GABRB2: variants seen among roughly 807,000 people sequenced by gnomAD.
The protein encoded by GABRB2 is gamma-aminobutyric acid receptor subunit beta-2.
GABRB2 carries 16 observed loss-of-function variants against 54.7 expected under a neutral mutation model. The observed-to-expected ratio is 0.29, with a 90% CI of 0.20 to 0.44. The LOEUF (loss-of-function observed/expected upper bound fraction) is 0.44. GABRB2 is among the 20% of genes least tolerant of loss of function. The pLI is 1.00. For synonymous variants in GABRB2, 244 were observed against 233.8 expected (o/e 1.04, Z -0.40); for missense variants, 355 against 644.0 (o/e 0.55, Z 4.86).
intron 3 of GABRB2, among the ~76,000 whole-genome samples, chr5:161,543,138 A>G (rs1465973917): frequency 1.3e-5 from 2 of 152,222 alleles, no homozygotes; most frequent in Non-Finnish European, 2.9e-5. Context: ...TAATGTTGCA[A>G]TGTTGTCCCA....
chr5:161,448,652 A>T (rs1259335563), intron 4 of GABRB2, among the ~76,000 whole-genome samples: 1 of 152,172 alleles, frequency 6.6e-6, no homozygotes, highest in East Asian at 1.9e-4. Context: ...ACTTAAAAAC[A>T]TGGTTGTATA....
intron 7 of GABRB2, among the ~76,000 whole-genome samples, chr5:161,331,409 G>A (rs1753835856): frequency 6.6e-6 from 1 of 152,072 alleles, no homozygotes; most frequent in Non-Finnish European, 1.5e-5. Flanking sequence ...GCTATGATGG[G>A]CACATGTGTA....
chr5:161,538,664 A>G (rs1395422765), intron 3 of GABRB2, among the ~76,000 whole-genome samples: 1 of 152,142 alleles, frequency 6.6e-6, no homozygotes, highest in Non-Finnish European at 1.5e-5. Context: ...TCTCTATTAA[A>G]AATACAAAAA....
At chr5:161,414,675 T>C (rs1050259822) in intron 4 of GABRB2, among the ~76,000 whole-genome samples, 17 of 152,028 alleles carry the variant, frequency 1.1e-4, no homozygotes, top group African/African-American at 3.6e-4. Flanking sequence ...GTCATACTTA[T>C]ATCTCAAGCC....
chr5:161,469,225 T>C (rs1044730394), intron 3 of GABRB2, among the ~76,000 whole-genome samples: 1 of 151,878 alleles, frequency 6.6e-6, no homozygotes, highest in Non-Finnish European at 1.5e-5. Context: ...TTGAGTTAAA[T>C]TATAAAACTA....
rs756731807 is a variant in GABRB2 at position 161,459,773 on chromosome 5, T to G, written c.309A>C (p.Leu103Phe). ...CCACTCTGTTGTCCAGAGTCAAGTT[T>G]AAAGGTATTACATTATAGGACAGCC... ...DKRLSYNVIP[L>F]NLTLDNRVAD... The change falls in exon 4 of 10, where the codon TTA (leucine) becomes TTC (phenylalanine). Residue 103 changes from leucine (L) to phenylalanine (F), a missense_variant. This residue lies in a region of GABRB2 where 42 missense variants were observed against 99.7 expected (regional missense o/e 0.42). Transcript: ENST00000393959. 6.2e-7 allele frequency: 1 copy of G among 1,613,908 alleles called. No individual in the cohort carries two copies. The highest frequency in any genetic ancestry group is 1.7e-5 in the Admixed American group (1 of 60,008).
intron 4 of GABRB2, among the ~76,000 whole-genome samples, chr5:161,446,472 T>C (rs1295313399): frequency 6.6e-6 from 1 of 152,160 alleles, no homozygotes; most frequent in Non-Finnish European, 1.5e-5. Flanking sequence ...AGTACGTCCC[T>C]GTCTGCTCTG....
intron 5 of GABRB2, among the ~76,000 whole-genome samples, chr5:161,371,885 CTATTTT>C (rs926915358): frequency 3.3e-5 from 5 of 151,942 alleles, no homozygotes; most frequent in African/African-American, 4.8e-5. Context: ...CTATGCGTGG[CTATTTT>C]TATTTTTATT....
At chr5:161,294,530 G>T in intron 9 of GABRB2, 102 bp from the exon 10 acceptor site, 1 of 929,116 alleles carries the variant, frequency 1.1e-6, no homozygotes, top group Non-Finnish European at 1.6e-6. Context: ...TTATAGGAGT[G>T]GTAAAGAGAG....
intron 3 of GABRB2, among the ~76,000 whole-genome samples, chr5:161,473,955 C>G (rs1758518812): frequency 6.6e-6 from 1 of 151,868 alleles, no homozygotes; most frequent in Non-Finnish European, 1.5e-5. Flanking sequence ...AACAAGGAAA[C>G]AAATATCAGA....
At chr5:161,537,520 A>G (rs1453684746) in intron 3 of GABRB2, among the ~76,000 whole-genome samples, 1 of 152,228 alleles carries the variant, frequency 6.6e-6, no homozygotes, top group East Asian at 1.9e-4. Flanking sequence ...TATGAGAATC[A>G]TGGGATTCAC....
intron 5 of GABRB2, among the ~76,000 whole-genome samples, chr5:161,340,417 A>G (rs1021250248): frequency 2.6e-5 from 4 of 152,046 alleles, no homozygotes; most frequent in African/African-American, 9.7e-5. Flanking sequence ...ATGATCATGC[A>G]CTGCATTTTT....
At chr5:161,547,364 T>G, upstream of GABRB2, among the ~76,000 whole-genome samples, 3 of 150,192 alleles carry the variant, frequency 2.0e-5, no homozygotes, top group Admixed American at 6.6e-5. Context: ...CACGGAAAAA[T>G]AAAAAAGGAA....
At chr5:161,466,335 T>G (rs1445340776) in intron 3 of GABRB2, among the ~76,000 whole-genome samples, 1 of 152,084 alleles carries the variant, frequency 6.6e-6, no homozygotes, top group African/African-American at 2.4e-5. Context: ...TCCTTTGTAA[T>G]AAACAAATAT....
chr5:161,515,100 A>G (rs888657396), intron 3 of GABRB2, among the ~76,000 whole-genome samples: 4 of 152,174 alleles, frequency 2.6e-5, no homozygotes, highest in African/African-American at 4.8e-5. Context: ...TTAGATAGGT[A>G]GAAAAAAGGA....
At chr5:161,475,730 C>T (rs1323348918) in intron 3 of GABRB2, among the ~76,000 whole-genome samples, 4 of 151,880 alleles carry the variant, frequency 2.6e-5, no homozygotes, top group Non-Finnish European at 5.9e-5. Flanking sequence ...TCAACTGATA[C>T]AGAAAAAGCA....
chr5:161,502,470 G>T (rs1363771346), intron 3 of GABRB2, among the ~76,000 whole-genome samples: 1 of 152,006 alleles, frequency 6.6e-6, no homozygotes, highest in African/African-American at 2.4e-5. Flanking sequence ...TTCTGGTTCT[G>T]ACTATGAGGA....
chr5:161,388,424 T>C (rs1755712575), intron 5 of GABRB2, among the ~76,000 whole-genome samples: 3 of 152,052 alleles, frequency 2.0e-5, no homozygotes, highest in African/African-American at 4.8e-5. Context: ...AACTGAGAGG[T>C]ATAAATTGCT....
chr5:161,513,898 T>C (rs1759856067), intron 3 of GABRB2, among the ~76,000 whole-genome samples: 1 of 152,100 alleles, frequency 6.6e-6, no homozygotes, highest in Non-Finnish European at 1.5e-5. Flanking sequence ...ACACTGGAAA[T>C]GTTAACTACA....
Sources: allele counts gnomAD v4.1 joint callset (sites outside exome capture counted in the v4.1 genomes callset), GRCh38; gene constraint gnomAD v4.1.1; regional missense constraint gnomAD v4.1.1; transcripts MANE v1.5; gene names NCBI Gene and HGNC (gene_info 2026-07-23, HGNC 2026-07-21).